Variants in RFX3 observed in about 807,000 individuals in gnomAD.
The protein encoded by RFX3 is transcription factor RFX3.
RFX3 carries 14 observed loss-of-function variants against 98.6 expected under a neutral mutation model. The ratio of observed to expected loss-of-function variants is 0.14; its 90% CI spans 0.09 to 0.22. The LOEUF is 0.22. RFX3 is among the 10% of genes least tolerant of loss of function. The pLI, the probability that RFX3 is intolerant of heterozygous loss-of-function variation, is 1.00. For missense variants in RFX3, 639 were observed against 926.9 expected, an observed-to-expected ratio of 0.69 and a Z score of 4.03; for synonymous variants, 383 against 328.4, an observed-to-expected ratio of 1.17 and a Z score of -1.80.
chr9:3,390,057 T>TTA (rs1840143721), intron 2 of RFX3, among the ~76,000 whole-genome samples: 1 of 152,184 alleles, frequency 6.6e-6, no homozygotes, highest in South Asian at 2.1e-4. Flanking sequence ...ATTAGAAGCC[T>TTA]TATGGCTTTG....
chr9:3,340,041 G>C (rs913565022), intron 3 of RFX3, among the ~76,000 whole-genome samples: 3 of 152,094 alleles, frequency 2.0e-5, no homozygotes, highest in African/African-American at 7.2e-5. Flanking sequence ...CATGGTACTG[G>C]CACCAAAACA....
At chr9:3,416,051 A>C (rs1256174444) in intron 1 of RFX3, among the ~76,000 whole-genome samples, 1 of 152,230 alleles carries the variant, frequency 6.6e-6, no homozygotes, top group African/African-American at 2.4e-5. Context: ...ATGACTGATT[A>C]AAGTCTGCAG....
chr9:3,232,406 C>A (rs1818591011), intron 15 of RFX3, among the ~76,000 whole-genome samples: 1 of 152,142 alleles, frequency 6.6e-6, no homozygotes. Context: ...TCAGTCACCG[C>A]ATCATGCTCA....
chr9:3,346,863 A>T, intron 2 of RFX3, 99 bp from the exon 3 acceptor site: 1 of 746,382 alleles, frequency 1.3e-6, no homozygotes. Context: ...ATTATTGATA[A>T]ATTTGAGAAA....
chr9:3,481,904 G>C (rs910269578), intron 1 of RFX3, among the ~76,000 whole-genome samples: 3 of 152,060 alleles, frequency 2.0e-5, no homozygotes, highest in East Asian at 1.9e-4. Context: ...TCCAGTGTCA[G>C]AGTAAACAAA....
intron 1 of RFX3, among the ~76,000 whole-genome samples, chr9:3,427,551 T>C (rs1844231346): frequency 6.7e-6 from 1 of 150,360 alleles, no homozygotes; most frequent in African/African-American, 2.4e-5. Flanking sequence ...TGGATTCTGC[T>C]ATGATCCTCT....
chr9:3,236,864 A>G (rs779285316), intron 15 of RFX3, among the ~76,000 whole-genome samples: 42 of 152,204 alleles, frequency 2.8e-4, no homozygotes, highest in Non-Finnish European at 4.7e-4. Context: ...GTAGGGGAGA[A>G]AATATGTATT....
chr9:3,486,128 C>CAAAAAAAAAAAAAAAAAAAAA (rs772747349), intron 1 of RFX3, among the ~76,000 whole-genome samples: 1 of 49,156 alleles, frequency 2.0e-5, no homozygotes, highest in African/African-American at 8.2e-5. Flanking sequence ...TGTCTCAAAC[C>CAAAAAAAAAAAAAAAAAAAAA]AAAAAAAAAA....
intron 1 of RFX3, among the ~76,000 whole-genome samples, chr9:3,492,983 C>T (rs1452041920): frequency 6.6e-6 from 1 of 151,974 alleles, no homozygotes; most frequent in Non-Finnish European, 1.5e-5. Flanking sequence ...AGGATGGTTG[C>T]CCAGCCTGAA....
intron 2 of RFX3, among the ~76,000 whole-genome samples, chr9:3,378,999 A>G (rs755706864): frequency 1.3e-5 from 2 of 152,206 alleles, no homozygotes; most frequent in Non-Finnish European, 2.9e-5. Flanking sequence ...ATTCAACACT[A>G]AACATGTAAA....
intron 3 of RFX3, among the ~76,000 whole-genome samples, chr9:3,340,885 C>T (rs1833807569): frequency 6.6e-6 from 1 of 152,120 alleles, no homozygotes; most frequent in Non-Finnish European, 1.5e-5. Flanking sequence ...ACCATTTGAC[C>T]CAGCCATCCC....
chr9:3,241,655 G>A (rs889155518), intron 15 of RFX3, among the ~76,000 whole-genome samples: 8 of 152,202 alleles, frequency 5.3e-5, no homozygotes, highest in Admixed American at 6.5e-5. Flanking sequence ...GTCAGAAATT[G>A]TGCTAATGTA....
chr9:3,484,593 G>A (rs756416069), intron 1 of RFX3, among the ~76,000 whole-genome samples: 2 of 152,196 alleles, frequency 1.3e-5, no homozygotes, highest in Non-Finnish European at 2.9e-5. Flanking sequence ...CCAGAAGTTA[G>A]TATCTGAAAA....
At chr9:3,465,337 C>A (rs946634097) in intron 1 of RFX3, among the ~76,000 whole-genome samples, 3 of 151,970 alleles carry the variant, frequency 2.0e-5, no homozygotes, top group Admixed American at 2.0e-4. Context: ...GTTTCCCAGG[C>A]TGGAATGCAG....
At chr9:3,429,503 A>T (rs2132505813) in intron 1 of RFX3, among the ~76,000 whole-genome samples, 1 of 152,058 alleles carries the variant, frequency 6.6e-6, no homozygotes, top group African/African-American at 2.4e-5. Context: ...TAGAAACCTC[A>T]GTTTCTCATA....
At position 3,315,862 on chromosome 9, in the gene RFX3, C is replaced by G. The variant is rs138994135; in HGVS notation, c.475-14242G>C. Among the ~76,000 whole-genome samples the G allele has an allele frequency of 7.2e-4, 109 of 152,208 alleles. 1 individual carries two copies. In the East Asian group the frequency reaches 0.02, roughly 28 times the overall value. On this transcript the variant is annotated intron_variant, in intron 4 of 16. Coordinates refer to ENST00000617270, the MANE Select transcript of RFX3 (RefSeq NM_001282116.2). ...TCCCTGAATAGACCAATAACAGGTT[C>G]CGAAATTGAGGCAATAACTAATAGC...
chr9:3,327,855 A>C (rs1347232679), intron 4 of RFX3, among the ~76,000 whole-genome samples: 1 of 151,862 alleles, frequency 6.6e-6, no homozygotes, highest in Non-Finnish European at 1.5e-5. Context: ...CACCTTTCAT[A>C]CATACATACC....
At chr9:3,374,856 A>T (rs1227461627) in intron 2 of RFX3, among the ~76,000 whole-genome samples, 2 of 53,050 alleles carry the variant, frequency 3.8e-5, no homozygotes, top group Admixed American at 3.0e-4. Flanking sequence ...CATAATTTTT[A>T]AAAATACAGG....
chr9:3,433,445 A>T (rs1198177836), intron 1 of RFX3, among the ~76,000 whole-genome samples: 1 of 152,164 alleles, frequency 6.6e-6, no homozygotes, highest in Non-Finnish European at 1.5e-5. Flanking sequence ...AGCTTAATTT[A>T]CTGTAAGAAT....
Sources: allele counts gnomAD v4.1 joint callset (sites outside exome capture counted in the v4.1 genomes callset), GRCh38; gene constraint gnomAD v4.1.1; transcripts MANE v1.5; gene names NCBI Gene and HGNC (gene_info 2026-07-23, HGNC 2026-07-21).